Variants in MEI1 observed in about 807,000 individuals in gnomAD.
MEI1 encodes meiotic double-stranded break formation protein 1.
In MEI1, 103 loss-of-function variants were observed where a neutral mutation model predicts 146.2. The ratio of observed to expected loss-of-function variants is 0.70; its 90% CI spans 0.60 to 0.83. The LOEUF is 0.83. MEI1 is among the 40% of genes least tolerant of loss of function. MEI1 has a pLI of 0.00. For synonymous variants in MEI1, 652 were observed against 628.2 expected, an observed-to-expected ratio of 1.04 and a Z score of -0.57; for missense variants, 1,529 against 1,533.0, an observed-to-expected ratio of 1.00 and a Z score of 0.04.
At chr22:41,782,118 A>G (rs779621429) in intron 24 of MEI1, among the ~76,000 whole-genome samples, 37 of 152,196 alleles carry the variant, frequency 2.4e-4, no homozygotes, top group South Asian at 4.1e-4. Flanking sequence ...TGAATATAGC[A>G]TGTGTCCTAC....
chr22:41,699,865 C>G (rs949584208), intron 1 of MEI1, among the ~76,000 whole-genome samples, 153 bp downstream of exon 1: 1 of 152,230 alleles, frequency 6.6e-6, no homozygotes, highest in Non-Finnish European at 1.5e-5. Context: ...CCGTCCCGGA[C>G]CCGGCCGCAG....
chr22:41,741,803 G>A (rs948810601), intron 11 of MEI1, among the ~76,000 whole-genome samples: 1 of 151,902 alleles, frequency 6.6e-6, no homozygotes, highest in African/African-American at 2.4e-5. Context: ...AATTAACTGG[G>A]TGTGGTGGCG....
chr22:41,771,005 C>T (rs1262839719), intron 20 of MEI1, 44 bp downstream of exon 20: 1 of 1,588,858 alleles, frequency 6.3e-7, no homozygotes, highest in Non-Finnish European at 8.6e-7. Context: ...AATCGTGGGC[C>T]TTCTCTCTCT....
chr22:41,763,829 C>G (rs1172073110), intron 19 of MEI1, among the ~76,000 whole-genome samples: 2 of 151,990 alleles, frequency 1.3e-5, no homozygotes, highest in African/African-American at 4.8e-5. Context: ...GCAACAAACT[C>G]ATGTTTTTGA....
chr22:41,721,534 G>A (rs1052264264), intron 6 of MEI1, among the ~76,000 whole-genome samples: 2 of 146,024 alleles, frequency 1.4e-5, no homozygotes, highest in African/African-American at 2.6e-5. Context: ...ATGAGTCACC[G>A]TGCCCAGCCC....
At chr22:41,718,346 G>A in intron 6 of MEI1, 72 bp downstream of exon 6, 1 of 1,456,250 alleles carries the variant, frequency 6.9e-7, no homozygotes, top group Non-Finnish European at 9.4e-7. Context: ...GAGATATTGG[G>A]TTCTCTAGTA....
At chr22:41,752,159 A>G (rs1010795876) in intron 15 of MEI1, among the ~76,000 whole-genome samples, 17 of 152,206 alleles carry the variant, frequency 1.1e-4, no homozygotes, top group African/African-American at 4.1e-4. Context: ...TGAGAATAAA[A>G]TAGTAACTAC....
intron 22 of MEI1, 65 bp downstream of exon 22, chr22:41,778,877 AGTAG>A (rs561124006): frequency 4.5e-5 from 52 of 1,147,660 alleles, no homozygotes; most frequent in Non-Finnish European, 6.4e-5. Flanking sequence ...GTGCTCACTA[AGTAG>A]GCTGGTGTTC....
chr22:41,789,364 A>T (rs984731826), intron 26 of MEI1, among the ~76,000 whole-genome samples: 3 of 152,140 alleles, frequency 2.0e-5, no homozygotes, highest in Admixed American at 6.5e-5. Context: ...ATATCTCACT[A>T]TGTTGTCCAG....
intron 1 of MEI1, among the ~76,000 whole-genome samples, chr22:41,701,010 G>C (rs1235609307): frequency 2.7e-5 from 4 of 149,490 alleles, no homozygotes; most frequent in Non-Finnish European, 5.9e-5. Flanking sequence ...CGCAATCTCA[G>C]CTCACCGCAA....
chr22:41,796,433 A>G (rs1236361790), intron 30 of MEI1, among the ~76,000 whole-genome samples: 4 of 150,326 alleles, frequency 2.7e-5, no homozygotes, highest in African/African-American at 9.8e-5. Context: ...TGACCTTGCG[A>G]TCTGCCCCCC....
At chr22:41,798,675 C>A (rs2148288707) in intron 30 of MEI1, among the ~76,000 whole-genome samples, 1 of 152,090 alleles carries the variant, frequency 6.6e-6, no homozygotes, top group Non-Finnish European at 1.5e-5. Context: ...TGAGACGAGC[C>A]TGGCCTACAT....
chr22:41,781,260 A>C, intron 22 of MEI1, 24 bp from the exon 23 acceptor site: 1 of 1,575,080 alleles, frequency 6.3e-7, no homozygotes, highest in Non-Finnish European at 8.7e-7. Flanking sequence ...CGACAGGCCG[A>C]CTGGGGACTT....
rs763740520 is a variant in MEI1 at position 41,753,940 on chromosome 22, C to G, written c.1854-9C>G. 3.2e-6 allele frequency: 5 copies of G among 1,581,874 alleles called. No homozygotes were observed. In the African/African-American group the frequency reaches 6.7e-5, roughly 21 times the overall value. ...CATCTCTTCTATTCTTTCTTCTTCT[C>G]CCTCTAAGTCACTCAGCCCTAAACC... On this transcript the variant is annotated splice_polypyrimidine_tract_variant and intron_variant, in intron 16 of 30. Transcript: ENST00000401548.
At chr22:41,737,051 T>C (rs1407061654) in intron 11 of MEI1, among the ~76,000 whole-genome samples, 1 of 152,178 alleles carries the variant, frequency 6.6e-6, no homozygotes. Flanking sequence ...CTGATCTGCT[T>C]TCTGTTTCTT....
chr22:41,718,384 G>C, intron 6 of MEI1, 110 bp downstream of exon 6: 1 of 993,598 alleles, frequency 1.0e-6, no homozygotes, highest in Admixed American at 2.3e-5. Context: ...TTTGCAAAAG[G>C]TAGAAGCCAC....
intron 3 of MEI1, among the ~76,000 whole-genome samples, chr22:41,711,308 G>T (rs549406528): frequency 1.3e-5 from 2 of 152,298 alleles, no homozygotes; most frequent in East Asian, 3.9e-4. Context: ...GAGTAGCTGG[G>T]ACTATAGGCG....
intron 15 of MEI1, among the ~76,000 whole-genome samples, chr22:41,751,603 T>C (rs1459368799): frequency 6.6e-6 from 1 of 150,954 alleles, no homozygotes; most frequent in African/African-American, 2.4e-5. Context: ...AGAAACCCTG[T>C]CTCTACTAAA....
intron 15 of MEI1, among the ~76,000 whole-genome samples, chr22:41,748,907 A>G (rs2073534858): frequency 6.6e-6 from 1 of 151,456 alleles, no homozygotes; most frequent in Non-Finnish European, 1.5e-5. Flanking sequence ...AGGTCATGCC[A>G]TTCTCCTGTT....
Sources: allele counts gnomAD v4.1 joint callset (sites outside exome capture counted in the v4.1 genomes callset), GRCh38; gene constraint gnomAD v4.1.1; transcripts MANE v1.5; gene names NCBI Gene and HGNC (gene_info 2026-07-23, HGNC 2026-07-21).